AK5: variants seen among roughly 807,000 people sequenced by gnomAD.
The protein encoded by AK5 is adenylate kinase 5.
AK5 carries 27 observed loss-of-function variants against 69.5 expected under a neutral mutation model. The observed-to-expected ratio is 0.39, with a 90% confidence interval of 0.29 to 0.54. The LOEUF is 0.54. Among genes scored for constraint, AK5 ranks in the 20% least tolerant of loss-of-function variants. The pLI, the probability that AK5 is intolerant of heterozygous loss-of-function variation, is 0.71. For missense variants in AK5, 531 were observed against 700.4 expected, an observed-to-expected ratio of 0.76 and a Z score of 2.73; for synonymous variants, 260 against 244.4, an observed-to-expected ratio of 1.06 and a Z score of -0.60.
chr1:77,424,429 T>C (rs1267910480), intron 8 of AK5, among the ~76,000 whole-genome samples: 4 of 152,094 alleles, frequency 2.6e-5, no homozygotes, highest in Non-Finnish European at 5.9e-5. Flanking sequence ...CCTGGCTAAT[T>C]TTATTTTTTG....
rs1557620494 is a variant in AK5, at chr1:77,475,505, AT to A, written c.1060-7811del. 1.6e-3 allele frequency among the ~76,000 whole-genome samples: 70 copies of A among 43,652 alleles called. 1 individual carries two copies. The highest frequency in any genetic ancestry group is 2.2e-3 in the Admixed American group (7 of 3,176). The allele number at this position is 43,652 out of a possible 152,430, so 28.6% of individuals were successfully genotyped here. Reference sequence around the variant, plus strand: ...TATTATATATATACAAATATATATTATATATATATGTATATATATTATATAT... The same window carrying A: ...TATTATATATATACAAATATATATTAATATATATGTATATATATTATATAT... On this transcript the variant is annotated intron_variant, in intron 8 of 13. Transcript: ENST00000354567.
chr1:77,288,917 G>A (rs1658518751), intron 2 of AK5, among the ~76,000 whole-genome samples: 1 of 152,152 alleles, frequency 6.6e-6, no homozygotes, highest in South Asian at 2.1e-4. Flanking sequence ...GCACAAAATA[G>A]CCATGTGGTT....
intron 5 of AK5, among the ~76,000 whole-genome samples, chr1:77,327,719 G>A (rs536156465): frequency 6.6e-6 from 1 of 152,218 alleles, no homozygotes; most frequent in African/African-American, 2.4e-5. Flanking sequence ...ATTTCAGAAA[G>A]TTATTTTGTC....
intron 5 of AK5, among the ~76,000 whole-genome samples, chr1:77,332,562 T>C (rs1189159098): frequency 1.3e-5 from 2 of 150,416 alleles, no homozygotes; most frequent in African/African-American, 4.8e-5. Flanking sequence ...ATTTAATTTC[T>C]ATACATGGGG....
intron 8 of AK5, among the ~76,000 whole-genome samples, chr1:77,466,786 A>G (rs1654169629): frequency 6.6e-6 from 1 of 152,212 alleles, no homozygotes; most frequent in African/African-American, 2.4e-5. Context: ...CTCTGCCCTC[A>G]TGATCTAAAC....
rs6664913 is a variant in AK5, at chr1:77,444,347, T to C, written c.1059+26632T>C. 1.0e-4 allele frequency among the ~76,000 whole-genome samples: 6 copies of C among 59,470 alleles called. No homozygotes were observed. In the East Asian group the frequency reaches 1.8e-3, roughly 18 times the overall value. The allele number at this position is 59,470 out of a possible 152,430, so 39.0% of individuals were successfully genotyped here. On this transcript the variant is annotated intron_variant, in intron 8 of 13. Coordinates refer to ENST00000354567, the MANE Select transcript of AK5 (RefSeq NM_174858.3). ...GTATATATATAGTATATATACACAA[T>C]ATATGTGTATATATAGTATAAATAT...
rs1439158866 is a variant in AK5 at position 77,386,001 on chromosome 1, G to A, written c.892-24980G>A. On this transcript the variant is annotated intron_variant, in intron 6 of 13. Coordinates refer to ENST00000354567, the MANE Select transcript of AK5 (RefSeq NM_174858.3). ...AGAGTAGACTGCTATTTTTCATGAA[G>A]CCTTTTGATATCATATTATCTTTCT... 5.9e-5 allele frequency among the ~76,000 whole-genome samples: 9 copies of A among 152,190 alleles called. No homozygotes were observed. The South Asian group carries it at 1.2e-3, about 21-fold the overall frequency.
intron 7 of AK5, 51 bp downstream of exon 7, chr1:77,411,122 T>C (rs1226023406): frequency 2.7e-6 from 4 of 1,483,624 alleles, no homozygotes; most frequent in Non-Finnish European, 3.7e-6. Context: ...ACCTGCCAAA[T>C]GTCTGGGGCT....
rs560011066 is a variant in AK5, at chr1:77,368,457, G to C, written c.891+27889G>C. ...ACATGAAACAAGGTTTGTGTACATT[G>C]AGCCATGAGAAAGCAAAGATGTCAC... On this transcript the variant is annotated intron_variant, in intron 6 of 13. Coordinates refer to ENST00000354567, the MANE Select transcript of AK5 (RefSeq NM_174858.3). Among the ~76,000 whole-genome samples, 82 of 150,434 alleles carry C rather than the reference G, an allele frequency of 5.5e-4. 1 individual carries two copies. In the South Asian group the frequency reaches 0.017, roughly 31 times the overall value.
intron 10 of AK5, among the ~76,000 whole-genome samples, chr1:77,502,872 G>A (rs551649869): frequency 3.3e-5 from 5 of 152,234 alleles, no homozygotes; most frequent in African/African-American, 9.6e-5. Context: ...ACTCACCAAA[G>A]CCCCAGGAAT....
At chr1:77,339,373 AT>A (rs1661530641) in intron 5 of AK5, among the ~76,000 whole-genome samples, 1 of 152,192 alleles carries the variant, frequency 6.6e-6, no homozygotes, top group African/African-American at 2.4e-5. Flanking sequence ...GCTAGTTCTA[AT>A]TTAGTTAAAT....
intron 6 of AK5, among the ~76,000 whole-genome samples, chr1:77,409,661 T>C (rs751730697): frequency 6.6e-6 from 1 of 152,348 alleles, no homozygotes; most frequent in East Asian, 1.9e-4. Context: ...GATGCATAGT[T>C]TGCAAATATT....
chr1:77,512,398 C>T (rs1454583561), intron 10 of AK5, among the ~76,000 whole-genome samples: 4 of 152,132 alleles, frequency 2.6e-5, no homozygotes, highest in Non-Finnish European at 4.4e-5. Context: ...TGCCAGACAA[C>T]GTAACTCAGG....
chr1:77,300,138 G>C (rs191660920), intron 5 of AK5, among the ~76,000 whole-genome samples: 57 of 152,126 alleles, frequency 3.7e-4, no homozygotes, highest in Non-Finnish European at 7.3e-4. Flanking sequence ...GAGAGGGAGG[G>C]AAGAGAGGAT....
intron 6 of AK5, among the ~76,000 whole-genome samples, chr1:77,387,212 A>G (rs1272713633): frequency 6.6e-6 from 1 of 152,250 alleles, no homozygotes; most frequent in South Asian, 2.1e-4. Context: ...TGCTGTGACC[A>G]GAAGACTAAG....
chr1:77,330,702 T>G (rs1405613663), intron 5 of AK5, among the ~76,000 whole-genome samples: 1 of 152,226 alleles, frequency 6.6e-6, no homozygotes, highest in East Asian at 1.9e-4. Flanking sequence ...ATCTTCTGCA[T>G]TTCCAAATAA....
chr1:77,368,322 T>G (rs1647055455), intron 6 of AK5, among the ~76,000 whole-genome samples: 1 of 103,170 alleles, frequency 9.7e-6, no homozygotes, highest in East Asian at 2.1e-4. Context: ...TTATATATAA[T>G]ATATATGTTA....
intron 5 of AK5, among the ~76,000 whole-genome samples, chr1:77,334,870 T>C (rs1311789883): frequency 1.4e-5 from 2 of 146,770 alleles, no homozygotes; most frequent in Non-Finnish European, 2.9e-5. Context: ...GGGCCCCATA[T>C]ATCACTTTTT....
intron 6 of AK5, among the ~76,000 whole-genome samples, chr1:77,377,437 A>C (rs964584983): frequency 2.0e-5 from 3 of 152,272 alleles, no homozygotes; most frequent in South Asian, 4.2e-4. Flanking sequence ...ATGTCTCTTC[A>C]GGTCAGCCCC....
Sources: allele counts gnomAD v4.1 joint callset (sites outside exome capture counted in the v4.1 genomes callset), GRCh38; gene constraint gnomAD v4.1.1; transcripts MANE v1.5; gene names NCBI Gene and HGNC (gene_info 2026-07-23, HGNC 2026-07-21).